SH3GL2: variants seen among roughly 807,000 people sequenced by gnomAD.
The protein encoded by SH3GL2 is SH3 domain containing GRB2 like 2, endophilin A1.
SH3GL2 carries 24 observed loss-of-function variants against 46.0 expected under a neutral mutation model. The ratio of observed to expected loss-of-function variants is 0.52; its 90% CI spans 0.38 to 0.73. The LOEUF (loss-of-function observed/expected upper bound fraction) is 0.73. Ranked by LOEUF, SH3GL2 falls within the 30% of genes least tolerant of loss-of-function variation. The pLI, the probability that SH3GL2 is intolerant of heterozygous loss-of-function variation, is 0.00. For synonymous variants in SH3GL2, 196 were observed against 147.1 expected (o/e 1.33, Z -2.40); for missense variants, 413 against 424.2 (o/e 0.97, Z 0.23).
intron 1 of SH3GL2, among the ~76,000 whole-genome samples, chr9:17,657,000 C>G (rs1324298858): frequency 6.6e-6 from 1 of 151,986 alleles, no homozygotes; most frequent in Non-Finnish European, 1.5e-5. Flanking sequence ...TATTCTTGAA[C>G]AAAAGTGCTC....
At chr9:17,724,780 C>T (rs906716811) in intron 1 of SH3GL2, among the ~76,000 whole-genome samples, 33 of 152,138 alleles carry the variant, frequency 2.2e-4, no homozygotes, top group Admixed American at 3.3e-4. Context: ...ATTTTTCTCA[C>T]TCTGTGTGGC....
chr9:17,741,811 G>A lies in SH3GL2; in HGVS notation c.46-5255G>A, dbSNP rs533679288. ...AATATGCTTAGCAGTTTTACTCAAC[G>A]AGTAGTTCGTTCCAGGTAATCCAAC... On this transcript the variant is annotated intron_variant, in intron 1 of 8. Transcript: ENST00000380607. Among the ~76,000 whole-genome samples, 83 of 152,176 alleles carry A rather than the reference G, an allele frequency of 5.5e-4. 1 individual carries two copies. Among genetic ancestry groups the A allele is most frequent in the Admixed American group, 1.5e-3 (23 of 15,266 alleles).
chr9:17,632,581 A>C (rs746701801), intron 1 of SH3GL2, among the ~76,000 whole-genome samples: 2 of 152,148 alleles, frequency 1.3e-5, no homozygotes, highest in African/African-American at 4.8e-5. Context: ...ATTTTTGCCT[A>C]TGTTTTTCTT....
chr9:17,727,883 A>C (rs1241724641), intron 1 of SH3GL2, among the ~76,000 whole-genome samples: 1 of 152,018 alleles, frequency 6.6e-6, no homozygotes, highest in African/African-American at 2.4e-5. Flanking sequence ...TCACCCAGAT[A>C]ATCTGCTGTC....
rs1245134748 is a variant in SH3GL2, at chr9:17,738,639, T to TAGAG, written c.46-8426_46-8425insGAGA. 3.3e-4 allele frequency among the ~76,000 whole-genome samples: 22 copies of TAGAG among 66,778 alleles called. 1 individual carries two copies. Among genetic ancestry groups the TAGAG allele is most frequent in the African/African-American group, 9.2e-4 (22 of 23,954 alleles). The allele number at this position is 66,778 out of a possible 152,430, so 43.8% of individuals were successfully genotyped here. On this transcript the variant is annotated intron_variant, in intron 1 of 8. Transcript: ENST00000380607. ...CCTCATGTGATTTTATATATATATA[T>TAGAG]ATAGAGAGAGAGAGAGAGAGAGAGA...
intron 1 of SH3GL2, among the ~76,000 whole-genome samples, chr9:17,740,044 G>A (rs1588290670): frequency 6.6e-6 from 1 of 152,060 alleles, no homozygotes; most frequent in East Asian, 1.9e-4. Flanking sequence ...AAGAAAATCA[G>A]TGTTCATCCT....
intron 1 of SH3GL2, among the ~76,000 whole-genome samples, chr9:17,595,407 T>C (rs1377004450): frequency 6.6e-6 from 1 of 152,176 alleles, no homozygotes; most frequent in Admixed American, 6.5e-5. Flanking sequence ...ATTGTTTAGA[T>C]TGGCAGAGAT....
chr9:17,786,502 G>T lies in SH3GL2; in HGVS notation c.309G>T (p.Glu103Asp). 6.2e-7 allele frequency: 1 copy of T among 1,613,436 alleles called. No homozygotes were observed. Among genetic ancestry groups the T allele is most frequent in the African/African-American group, 1.3e-5 (1 of 74,978 alleles). Reference sequence around the variant, plus strand: ...AGGCCATGCTCAAATTTGGAAGAGAGCTTGGAGATGATTGCAACTTTGGTA... The same window carrying T: ...AGGCCATGCTCAAATTTGGAAGAGATCTTGGAGATGATTGCAACTTTGGTA... ...LAEAMLKFGR[E>D]LGDDCNFGPA... The change falls in exon 4 of 9, where the codon GAG becomes GAT. Residue 103 changes from glutamate to aspartate, a missense_variant. Transcript: ENST00000380607.
intron 1 of SH3GL2, among the ~76,000 whole-genome samples, chr9:17,585,422 T>A (rs1818356013): frequency 6.6e-6 from 1 of 152,202 alleles, no homozygotes; most frequent in Non-Finnish European, 1.5e-5. Flanking sequence ...TAATCCTTCG[T>A]ACCCTTGTCC....
chr9:17,583,078 G>C (rs1178276614), intron 1 of SH3GL2, among the ~76,000 whole-genome samples: 1 of 152,136 alleles, frequency 6.6e-6, no homozygotes, highest in Admixed American at 6.5e-5. Flanking sequence ...ACTTTAATAT[G>C]AATTTTGGGA....
intron 1 of SH3GL2, among the ~76,000 whole-genome samples, chr9:17,667,621 C>T (rs1391161230): frequency 6.6e-6 from 1 of 152,080 alleles, no homozygotes; most frequent in Non-Finnish European, 1.5e-5. Flanking sequence ...TGTCATGAAC[C>T]CTTGTGTGCA....
At chr9:17,773,993 C>T (rs191511147) in intron 3 of SH3GL2, among the ~76,000 whole-genome samples, 1 of 152,132 alleles carries the variant, frequency 6.6e-6, no homozygotes, top group Admixed American at 6.5e-5. Context: ...TGGTAGTTTT[C>T]ATTGTTGAAG....
chr9:17,695,622 A>G (rs3808704), intron 1 of SH3GL2, among the ~76,000 whole-genome samples: 1 of 151,798 alleles, frequency 6.6e-6, no homozygotes, highest in Non-Finnish European at 1.5e-5. Context: ...TTTCTCTGTA[A>G]AAAGCCCTTT....
At position 17,677,479 on chromosome 9, in the gene SH3GL2, C is replaced by T. The variant is rs183345067; in HGVS notation, c.46-69587C>T. ...TTATTTGGGGGTCTGCAACATTCCCCTTATGCATTAAATGAATGAATGATT... is the reference window on the plus strand; with the variant it reads ...TTATTTGGGGGTCTGCAACATTCCCTTTATGCATTAAATGAATGAATGATT... On this transcript the variant is annotated intron_variant, in intron 1 of 8. Coordinates refer to ENST00000380607, the MANE Select transcript of SH3GL2 (RefSeq NM_003026.5). Among the ~76,000 whole-genome samples, 69 of 152,210 alleles carry T rather than the reference C, an allele frequency of 4.5e-4. No individual in the cohort carries two copies. The East Asian group carries it at 0.013, about 28-fold the overall frequency.
intron 1 of SH3GL2, among the ~76,000 whole-genome samples, chr9:17,722,328 T>C (rs1421976900): frequency 2.0e-5 from 3 of 152,110 alleles, no homozygotes; most frequent in Non-Finnish European, 4.4e-5. Context: ...GCAGTACCAA[T>C]ATATTGCACA....
intron 1 of SH3GL2, among the ~76,000 whole-genome samples, chr9:17,648,672 T>C (rs755899271): frequency 6.6e-6 from 1 of 152,206 alleles, no homozygotes; most frequent in Non-Finnish European, 1.5e-5. Flanking sequence ...TCTCAGAAAA[T>C]GAGTCATTGG....
chr9:17,741,889 TG>T (rs200609295), intron 1 of SH3GL2, among the ~76,000 whole-genome samples: 3,179 of 151,914 alleles, frequency 0.021, 70 homozygotes, highest in Non-Finnish European at 0.029. Flanking sequence ...CCAGCTCAGA[TG>T]GGGAGTCACA....
At chr9:17,693,119 C>A (rs1234359142) in intron 1 of SH3GL2, among the ~76,000 whole-genome samples, 1 of 152,080 alleles carries the variant, frequency 6.6e-6, no homozygotes, top group Non-Finnish European at 1.5e-5. Context: ...CTGTATTGTC[C>A]ATTGAAAATA....
At chr9:17,756,179 T>C (rs1822983437) in intron 2 of SH3GL2, among the ~76,000 whole-genome samples, 1 of 152,214 alleles carries the variant, frequency 6.6e-6, no homozygotes, top group Non-Finnish European at 1.5e-5. Context: ...AATTTGAAAT[T>C]TGAATAATTA....
Sources: allele counts gnomAD v4.1 joint callset (sites outside exome capture counted in the v4.1 genomes callset), GRCh38; gene constraint gnomAD v4.1.1; transcripts MANE v1.5; gene names NCBI Gene and HGNC (gene_info 2026-07-23, HGNC 2026-07-21).